CTNNA2: variants seen among roughly 807,000 people sequenced by gnomAD.
CTNNA2 encodes catenin alpha-2.
Under a neutral mutation model 101.0 loss-of-function variants are expected in CTNNA2, and 42 were observed. The ratio of observed to expected loss-of-function variants is 0.42; its 90% CI spans 0.32 to 0.54. The LOEUF is 0.54. Ranked by LOEUF, CTNNA2 falls within the 20% of genes least tolerant of loss-of-function variation. The probability of loss-of-function intolerance (pLI) is 0.14; values close to 1 mark genes in which losing one functional copy is unlikely to be tolerated. For synonymous variants in CTNNA2, 450 were observed against 456.4 expected (o/e 0.99, Z 0.18); for missense variants, 871 against 1,223.1 (o/e 0.71, Z 4.29).
At chr2:80,639,201 C>T (rs532043908) in intron 18 of CTNNA2, among the ~76,000 whole-genome samples, 330 of 152,204 alleles carry the variant, frequency 2.2e-3, no homozygotes, top group Middle Eastern at 0.017. Flanking sequence ...GTAATATTAA[C>T]TCTTTTAATG....
intron 1 of CTNNA2, among the ~76,000 whole-genome samples, chr2:79,582,159 G>T (rs904125871): frequency 2.0e-5 from 3 of 152,228 alleles, no homozygotes; most frequent in Admixed American, 1.3e-4. Context: ...ATGCCTCCGT[G>T]TGTAAAATGG....
intron 6 of CTNNA2, among the ~76,000 whole-genome samples, chr2:79,881,530 C>A (rs960709604): frequency 3.9e-5 from 6 of 152,070 alleles, no homozygotes; most frequent in Non-Finnish European, 7.4e-5. Context: ...GAATAGTTAG[C>A]TTTTCTTGTT....
chr2:79,501,212 A>G (rs1039686083), intron 4 of CTNNA2, among the ~76,000 whole-genome samples: 2 of 152,230 alleles, frequency 1.3e-5, no homozygotes, highest in Admixed American at 1.3e-4. Flanking sequence ...CTGCTAATCC[A>G]TGACATGCCA....
intron 4 of CTNNA2, among the ~76,000 whole-genome samples, chr2:79,377,325 G>A (rs1677989005): frequency 6.6e-6 from 1 of 152,168 alleles, no homozygotes; most frequent in South Asian, 2.1e-4. Context: ...AACCTAGAAA[G>A]ACACTATGCT....
intron 7 of CTNNA2, among the ~76,000 whole-genome samples, chr2:80,233,707 C>G (rs73938248): frequency 6.6e-6 from 1 of 152,122 alleles, no homozygotes; most frequent in Non-Finnish European, 1.5e-5. Flanking sequence ...TTTGGAAACA[C>G]AGCCATGGAG....
chr2:79,571,726 C>G (rs1237225935), intron 1 of CTNNA2, among the ~76,000 whole-genome samples: 1 of 152,154 alleles, frequency 6.6e-6, no homozygotes, highest in Admixed American at 6.6e-5. Context: ...TTAATCTGGT[C>G]CCAACATGTT....
intron 9 of CTNNA2, among the ~76,000 whole-genome samples, chr2:80,522,931 C>T (rs575531313): frequency 8.6e-4 from 131 of 152,202 alleles, no homozygotes; most frequent in African/African-American, 1.5e-3. Context: ...CAGGAGAAGA[C>T]GGGGTCCTGT....
Position 79,865,850 on chromosome 2 carries a change from G to A in CTNNA2, c.466-3966G>A, listed in dbSNP as rs191792518. ...TTCTGGTGCCTCAGCCTCCTGAGTAGCTGGGACTATAGGCACCCACCACCA... is the reference window on the plus strand; with the variant it reads ...TTCTGGTGCCTCAGCCTCCTGAGTAACTGGGACTATAGGCACCCACCACCA... On this transcript the variant is annotated intron_variant, in intron 4 of 18. Transcript: ENST00000402739. 1.6e-4 allele frequency among the ~76,000 whole-genome samples: 24 copies of A among 152,322 alleles called. No homozygotes were observed. The East Asian group carries it at 4.6e-3, about 29-fold the overall frequency.
At chr2:80,495,089 A>T (rs999637993) in intron 9 of CTNNA2, among the ~76,000 whole-genome samples, 4 of 152,186 alleles carry the variant, frequency 2.6e-5, no homozygotes, top group Admixed American at 2.0e-4. Context: ...CCTGTTGGGG[A>T]TACTGTAGAA....
At chr2:79,918,181 C>A (rs1036969401) in intron 7 of CTNNA2, among the ~76,000 whole-genome samples, 1 of 152,170 alleles carries the variant, frequency 6.6e-6, no homozygotes, top group Admixed American at 6.5e-5. Flanking sequence ...TCCTTCCCTC[C>A]CTCTTTTTCT....
At chr2:80,442,036 A>G (rs1331388140) in intron 9 of CTNNA2, among the ~76,000 whole-genome samples, 1 of 152,246 alleles carries the variant, frequency 6.6e-6, no homozygotes, top group African/African-American at 2.4e-5. Context: ...TAAGAGGACT[A>G]GTAGCCTGCA....
At chr2:79,391,005 A>T (rs1156713595) in intron 4 of CTNNA2, among the ~76,000 whole-genome samples, 1 of 152,178 alleles carries the variant, frequency 6.6e-6, no homozygotes, top group Non-Finnish European at 1.5e-5. Context: ...AAAAAAAGAG[A>T]GGAAAGTAGA....
rs58501778 is a variant in CTNNA2 at position 80,306,400 on chromosome 2, T to TTTTCTTTCTTTCTTTC, written c.1057-86773_1057-86758dup. On this transcript the variant is annotated intron_variant, in intron 7 of 18. Transcript: ENST00000402739. The stretch of plus-strand genomic sequence containing the variant: ...CTTTCTTTTCTTTTCTTTTCTTTTC[T>TTTTCTTTCTTTCTTTC]TTTCTTTCTTTCTTTCTTTCTTTCT... Among the ~76,000 whole-genome samples, 275 of 109,264 alleles carry TTTTCTTTCTTTCTTTC rather than the reference T, an allele frequency of 2.5e-3. 2 individuals are homozygous for TTTTCTTTCTTTCTTTC. Among genetic ancestry groups the TTTTCTTTCTTTCTTTC allele is most frequent in the East Asian group, 4.4e-3 (16 of 3,676 alleles). 71.7% of individuals were successfully genotyped at this position (109,264 alleles called of 152,430 possible).
At chr2:79,562,891 G>T (rs1456633662) in intron 1 of CTNNA2, among the ~76,000 whole-genome samples, 1 of 151,970 alleles carries the variant, frequency 6.6e-6, no homozygotes, top group Non-Finnish European at 1.5e-5. Flanking sequence ...GTGTATGTCT[G>T]TGTGTGTCTG....
chr2:80,245,273 A>G (rs1402728402), intron 7 of CTNNA2, among the ~76,000 whole-genome samples: 3 of 152,220 alleles, frequency 2.0e-5, no homozygotes, highest in Non-Finnish European at 2.9e-5. Flanking sequence ...TCATTGGCAA[A>G]CATGAGAGCC....
At chr2:79,737,290 G>C (rs556763390) in intron 2 of CTNNA2, among the ~76,000 whole-genome samples, 1 of 151,738 alleles carries the variant, frequency 6.6e-6, no homozygotes, top group Non-Finnish European at 1.5e-5. Context: ...TAGAGGTTGC[G>C]GTGCGCCAAG....
intron 18 of CTNNA2, among the ~76,000 whole-genome samples, chr2:80,623,002 A>G (rs1379433499): frequency 6.7e-6 from 1 of 149,864 alleles, no homozygotes; most frequent in Non-Finnish European, 1.5e-5. Flanking sequence ...GTGAAGTAGT[A>G]TGATCAAAGG....
chr2:79,857,792 C>T (rs1228453649), intron 3 of CTNNA2, among the ~76,000 whole-genome samples: 1 of 152,196 alleles, frequency 6.6e-6, no homozygotes, highest in African/African-American at 2.4e-5. Flanking sequence ...TGACTTCATA[C>T]TTCAGTGTGA....
At chr2:80,434,812 G>A (rs932242475) in intron 9 of CTNNA2, among the ~76,000 whole-genome samples, 2 of 152,084 alleles carry the variant, frequency 1.3e-5, no homozygotes, top group Non-Finnish European at 2.9e-5. Context: ...CTGGCTCAAT[G>A]TATTGCAGGA....
Sources: allele counts gnomAD v4.1 joint callset (sites outside exome capture counted in the v4.1 genomes callset), GRCh38; gene constraint gnomAD v4.1.1; transcripts MANE v1.5; gene names NCBI Gene and HGNC (gene_info 2026-07-23, HGNC 2026-07-21).